Variants in GPC5 observed in about 807,000 individuals in gnomAD.
GPC5 encodes the protein glypican-5.
GPC5 carries 47 observed loss-of-function variants against 53.9 expected under a neutral mutation model. The ratio of observed to expected loss-of-function variants is 0.87; its 90% CI spans 0.69 to 1.11. The LOEUF (loss-of-function observed/expected upper bound fraction) is 1.11, where lower values mean the gene tolerates loss of function less well. GPC5 is among the 50% of genes most tolerant of loss of function. The probability of loss-of-function intolerance (pLI) is 0.00; values close to 1 mark genes in which losing one functional copy is unlikely to be tolerated. For missense variants in GPC5, 748 were observed against 713.1 expected (o/e 1.05, Z -0.56); for synonymous variants, 286 against 263.3 (o/e 1.09, Z -0.84).
At chr13:91,615,264 G>A (rs562329506) in intron 2 of GPC5, among the ~76,000 whole-genome samples, 1 of 152,240 alleles carries the variant, frequency 6.6e-6, no homozygotes, top group South Asian at 2.1e-4. Flanking sequence ...ATATCCCTAG[G>A]TAACTGGCCT....
chr13:92,136,460 A>T (rs751671418), intron 6 of GPC5, among the ~76,000 whole-genome samples: 1 of 152,076 alleles, frequency 6.6e-6, no homozygotes, highest in Non-Finnish European at 1.5e-5. Context: ...TCTGGTTTGA[A>T]TTTTTTCTGG....
At chr13:91,626,181 T>C (rs1368893720) in intron 2 of GPC5, among the ~76,000 whole-genome samples, 1 of 152,194 alleles carries the variant, frequency 6.6e-6, no homozygotes, top group African/African-American at 2.4e-5. Context: ...AAAAGGAGTC[T>C]TTTGAAATTC....
chr13:92,523,616 T>C (rs1026778988), intron 7 of GPC5, among the ~76,000 whole-genome samples: 1 of 152,090 alleles, frequency 6.6e-6, no homozygotes, highest in African/African-American at 2.4e-5. Flanking sequence ...TTTTAGTGAA[T>C]TTTAAATTAA....
chr13:92,421,913 C>G (rs1202929611), intron 7 of GPC5, among the ~76,000 whole-genome samples: 1 of 151,904 alleles, frequency 6.6e-6, no homozygotes, highest in Non-Finnish European at 1.5e-5. Context: ...AGCACTGTCT[C>G]TCTTTGGTCC....
At chr13:92,342,335 A>T (rs1371533460) in intron 7 of GPC5, among the ~76,000 whole-genome samples, 2 of 152,124 alleles carry the variant, frequency 1.3e-5, no homozygotes, top group Non-Finnish European at 2.9e-5. Flanking sequence ...ACTGGGGGAC[A>T]TTGTTCACAA....
chr13:92,259,249 C>T (rs578038817), intron 7 of GPC5, among the ~76,000 whole-genome samples: 1 of 152,274 alleles, frequency 6.6e-6, no homozygotes, highest in South Asian at 2.1e-4. Flanking sequence ...TTTCTATGAA[C>T]TAAATATTTA....
rs566947716 is a variant in GPC5, at chr13:92,514,272, T to C, written c.1562-352010T>C. Reference sequence around the variant, plus strand: ...AGTGTTACTGTTTTCATGTCAGGGATAACATTCTAAGCTGGAAGACTAAGA... The same window carrying C: ...AGTGTTACTGTTTTCATGTCAGGGACAACATTCTAAGCTGGAAGACTAAGA... On this transcript the variant is annotated intron_variant, in intron 7 of 7. Coordinates refer to ENST00000377067, the MANE Select transcript of GPC5 (RefSeq NM_004466.6). 6.6e-5 allele frequency among the ~76,000 whole-genome samples: 10 copies of C among 152,084 alleles called. No homozygotes were observed. In the South Asian group the frequency reaches 1.7e-3, roughly 25 times the overall value.
At chr13:92,095,836 A>T (rs2041418149) in intron 6 of GPC5, among the ~76,000 whole-genome samples, 1 of 152,064 alleles carries the variant, frequency 6.6e-6, no homozygotes, top group South Asian at 2.1e-4. Context: ...CCCACTCCTA[A>T]ATCTATTATT....
chr13:91,547,925 G>A (rs927112865), intron 2 of GPC5, among the ~76,000 whole-genome samples: 12 of 152,164 alleles, frequency 7.9e-5, no homozygotes, highest in African/African-American at 1.9e-4. Context: ...ATCAATTCAT[G>A]ATTAAAACTC....
chr13:91,618,933 A>G (rs962955036), intron 2 of GPC5, among the ~76,000 whole-genome samples: 1 of 152,226 alleles, frequency 6.6e-6, no homozygotes, highest in African/African-American at 2.4e-5. Flanking sequence ...ATAAAAATGC[A>G]CTATTTTTAC....
At position 92,172,979 on chromosome 13, in the gene GPC5, AC is replaced by A. The variant is rs370782860; in HGVS notation, c.1561+27991del. 6.9e-3 allele frequency among the ~76,000 whole-genome samples: 1,032 copies of A among 150,090 alleles called. 25 individuals are homozygous for A. The highest frequency in any genetic ancestry group is 0.024 in the African/African-American group (987 of 41,254). The stretch of plus-strand genomic sequence containing the variant: ...ACTATACCTGTTAACAATATAAGAA[AC>A]GTTGCAACAGTCAAACGAGCAACTC... On this transcript the variant is annotated intron_variant, in intron 7 of 7. Coordinates refer to ENST00000377067, the MANE Select transcript of GPC5 (RefSeq NM_004466.6).
intron 2 of GPC5, among the ~76,000 whole-genome samples, chr13:91,494,844 A>G (rs1884161828): frequency 2.6e-5 from 4 of 152,150 alleles, no homozygotes; most frequent in Admixed American, 2.6e-4. Flanking sequence ...TGCCAACTCT[A>G]AACTGTACCA....
intron 3 of GPC5, among the ~76,000 whole-genome samples, chr13:91,697,995 G>A (rs756325403): frequency 7.3e-5 from 11 of 150,476 alleles, no homozygotes; most frequent in Non-Finnish European, 1.6e-4. Context: ...TCCACCTCCC[G>A]GGTTCAAGCA....
Position 91,693,195 on chromosome 13 carries a change from G to GA in GPC5, c.337dup (p.Thr113AsnfsTer35), listed in dbSNP as rs1245337467. 1 of 1,611,946 alleles carries GA rather than the reference G, an allele frequency of 6.2e-7. No homozygotes were observed. Among genetic ancestry groups the GA allele is most frequent in the Non-Finnish European group, 8.5e-7 (1 of 1,178,796 alleles). On this transcript the variant is annotated frameshift_variant, in exon 3 of 8. Coordinates refer to ENST00000377067, the MANE Select transcript of GPC5 (RefSeq NM_004466.6). LOFTEE classifies it high-confidence loss of function. ...CTCTGCTTGTGTTACAGAAACCCTTGAAACTCTCATCAAACAAGCAGAAAA... is the reference window on the plus strand; with the variant it reads ...CTCTGCTTGTGTTACAGAAACCCTTGAAAACTCTCATCAAACAAGCAGAAAA...
intron 6 of GPC5, among the ~76,000 whole-genome samples, chr13:92,049,469 G>GA (rs2041009654): frequency 6.6e-6 from 1 of 151,990 alleles, no homozygotes; most frequent in South Asian, 2.1e-4. Flanking sequence ...CTGAGCTCCA[G>GA]ATAAAAAGAC....
intron 2 of GPC5, among the ~76,000 whole-genome samples, chr13:91,674,595 ACG>A (rs1245337132): frequency 6.8e-6 from 1 of 147,526 alleles, no homozygotes; most frequent in African/African-American, 2.5e-5. Context: ...GTGTATATAT[ACG>A]CATATATATG....
At chr13:92,819,427 A>ACC (rs1877599535) in intron 7 of GPC5, among the ~76,000 whole-genome samples, 2 of 152,190 alleles carry the variant, frequency 1.3e-5, no homozygotes, top group Admixed American at 6.6e-5. Flanking sequence ...ACTTCACCAA[A>ACC]CTTTAATTCC....
chr13:92,404,719 G>A (rs1374877049), intron 7 of GPC5, among the ~76,000 whole-genome samples: 4 of 149,582 alleles, frequency 2.7e-5, no homozygotes, highest in African/African-American at 9.9e-5. Flanking sequence ...CCAAAACTGG[G>A]AATTGAAGCC....
At chr13:92,573,142 A>G (rs1480493113) in intron 7 of GPC5, among the ~76,000 whole-genome samples, 1 of 152,188 alleles carries the variant, frequency 6.6e-6, no homozygotes, top group Non-Finnish European at 1.5e-5. Flanking sequence ...GTAGACCACT[A>G]TCTCTCCCTC....
Sources: gnomAD v4.1 joint callset for allele counts (sites outside exome capture counted in the v4.1 genomes callset) on GRCh38, gnomAD v4.1.1 for gene constraint, MANE v1.5 for transcripts, NCBI Gene and HGNC (gene_info 2026-07-23, HGNC 2026-07-21) for gene names.